Variants in PDK1 observed in about 807,000 individuals in gnomAD.
PDK1 encodes the protein pyruvate dehydrogenase kinase 1.
In PDK1, 39 loss-of-function variants were observed where a neutral mutation model predicts 54.2. That is an observed-to-expected ratio of 0.72 (90% CI 0.56 to 0.94). The LOEUF is 0.94. Among genes scored for constraint, PDK1 ranks in the 40% least tolerant of loss-of-function variants. The pLI, the probability that PDK1 is intolerant of heterozygous loss-of-function variation, is 0.00. For missense variants in PDK1, 552 were observed against 566.0 expected (o/e 0.98, Z 0.25); for synonymous variants, 221 against 207.1 (o/e 1.07, Z -0.58).
At chr2:172,557,817 A>G (rs992680855) in intron 1 of PDK1, among the ~76,000 whole-genome samples, 1 of 151,916 alleles carries the variant, frequency 6.6e-6, no homozygotes, top group South Asian at 2.1e-4. Context: ...TAGTGGTTCT[A>G]TATGGAATCA....
chr2:172,657,028 A>G, the PDK1 span, among the ~76,000 whole-genome samples: 1 of 152,092 alleles, frequency 6.6e-6, no homozygotes, highest in Non-Finnish European at 1.5e-5. Context: ...TCCTACTGGT[A>G]TTGCCTCCAG....
rs2149265524 is a variant in PDK1, at chr2:172,582,654, A to G, written c.946-3624A>G. ...GTACCATTCTTCTTGCCTTGAATAT[A>G]TACAGACTAAATATCTGTCTCTCCA... is the stretch of plus-strand genomic sequence containing the variant. On this transcript the variant is annotated intron_variant, in intron 8 of 10. Coordinates refer to ENST00000282077, the MANE Select transcript of PDK1 (RefSeq NM_002610.5). Among the ~76,000 whole-genome samples, 3 of 152,344 alleles carry G rather than the reference A, an allele frequency of 2.0e-5. 1 individual carries two copies. The Middle Eastern group carries it at 0.01, about 518-fold the overall frequency.
the PDK1 span, among the ~76,000 whole-genome samples, chr2:172,642,868 C>CCTCCTCCCA: frequency 6.6e-6 from 1 of 151,930 alleles, no homozygotes; most frequent in African/African-American, 2.4e-5. Flanking sequence ...TTCTCCTCCT[C>CCTCCTCCCA]CTCCTCCCAC....
the PDK1 span, among the ~76,000 whole-genome samples, chr2:172,716,887 C>T: frequency 6.6e-6 from 1 of 152,176 alleles, no homozygotes; most frequent in South Asian, 2.1e-4. Flanking sequence ...TTAATTGGAA[C>T]AAAACTTCAT....
chr2:172,582,939 G>C (rs1051390082), intron 8 of PDK1, among the ~76,000 whole-genome samples: 1 of 152,178 alleles, frequency 6.6e-6, no homozygotes, highest in African/African-American at 2.4e-5. Context: ...CATGCAGCCT[G>C]AGGCTGGAAA....
the PDK1 span, among the ~76,000 whole-genome samples, chr2:172,698,021 A>G: frequency 6.6e-6 from 1 of 152,188 alleles, no homozygotes; most frequent in South Asian, 2.1e-4. Context: ...CTGAAGTACA[A>G]TCCCACAATG....
At chr2:172,696,608 G>A in the PDK1 span, among the ~76,000 whole-genome samples, 1 of 152,090 alleles carries the variant, frequency 6.6e-6, no homozygotes, top group Non-Finnish European at 1.5e-5. Context: ...TAGGATCACT[G>A]ACATATTAGG....
chr2:172,660,549 G>C, the PDK1 span, among the ~76,000 whole-genome samples: 19,485 of 151,880 alleles, frequency 0.13, 1,546 homozygotes, highest in South Asian at 0.23. Context: ...GAGCCACAGT[G>C]CCTGGCCAAA....
At chr2:172,633,867 ATTTT>A in the PDK1 span, among the ~76,000 whole-genome samples, 3 of 68,834 alleles carry the variant, frequency 4.4e-5, no homozygotes, top group African/African-American at 1.2e-4. Context: ...TTAGTCTATG[ATTTT>A]TTTTTTTTTT....
At chr2:172,648,471 G>A in the PDK1 span, among the ~76,000 whole-genome samples, 1 of 152,160 alleles carries the variant, frequency 6.6e-6, no homozygotes, top group South Asian at 2.1e-4. Context: ...TCCAACTGAG[G>A]TACTGGGTTC....
the PDK1 span, among the ~76,000 whole-genome samples, chr2:172,649,643 A>G: frequency 6.6e-6 from 1 of 152,182 alleles, no homozygotes; most frequent in Non-Finnish European, 1.5e-5. Context: ...AAGTCCTTAA[A>G]TGACCTGATG....
chr2:172,658,760 G>T, the PDK1 span, among the ~76,000 whole-genome samples: 1 of 152,202 alleles, frequency 6.6e-6, no homozygotes, highest in African/African-American at 2.4e-5. Flanking sequence ...ATATGCCCTG[G>T]TCTCCTGCAG....
At chr2:172,644,431 C>A in the PDK1 span, among the ~76,000 whole-genome samples, 38 of 152,230 alleles carry the variant, frequency 2.5e-4, no homozygotes, top group East Asian at 7.4e-3. Flanking sequence ...GCCTTAGTTT[C>A]CTGTGTGTAA....
the PDK1 span, among the ~76,000 whole-genome samples, chr2:172,697,528 C>G: frequency 6.6e-6 from 1 of 152,112 alleles, no homozygotes; most frequent in Non-Finnish European, 1.5e-5. Flanking sequence ...TTAGAATACA[C>G]GTGCTGAGCA....
the PDK1 span, among the ~76,000 whole-genome samples, chr2:172,708,640 T>C: frequency 6.6e-6 from 1 of 152,208 alleles, no homozygotes; most frequent in East Asian, 1.9e-4. Context: ...CTGAAAGGCT[T>C]GGGATCAGAA....
At position 172,595,999 on chromosome 2, in the gene PDK1, G is replaced by T; in HGVS notation, c.*30G>T. On this transcript the variant is annotated 3_prime_UTR_variant, in exon 11 of 11. Coordinates refer to ENST00000282077, the MANE Select transcript of PDK1 (RefSeq NM_002610.5). ...ACTTGGGACATCGGAAAATCCAAAT[G>T]TGGCTTTTGTATTAAATTTGGAAGG... is the stretch of plus-strand genomic sequence containing the variant. 2 of 1,574,728 alleles carry T rather than the reference G, an allele frequency of 1.3e-6. No homozygotes were observed. The highest frequency in any genetic ancestry group is 1.7e-6 in the Non-Finnish European group (2 of 1,155,554).
rs577082539 is a variant in PDK1 at position 172,600,983 on chromosome 2, A to G, written c.*5014A>G. 1 of 152,160 alleles carries G rather than the reference A, an allele frequency of 6.6e-6. No individual in the cohort carries two copies. The highest frequency in any genetic ancestry group is 2.4e-5 in the African/African-American group (1 of 41,446). 9.4% of individuals were successfully genotyped at this position (152,160 alleles called of 1,614,324 possible). On this transcript the variant is annotated 3_prime_UTR_variant, in exon 11 of 11. Transcript: ENST00000282077. The stretch of plus-strand genomic sequence containing the variant: ...GAAAGGAATGTGCTTATTAAGGGCC[A>G]CTGTTTTACTGGGGTTAACTGCATG...
chr2:172,571,866 C>T (rs1392608135), intron 8 of PDK1, among the ~76,000 whole-genome samples: 1 of 103,868 alleles, frequency 9.6e-6, no homozygotes, highest in Non-Finnish European at 1.7e-5. Context: ...GAGTCTTGCT[C>T]TGTTGCCCCA....
At chr2:172,665,438 TTC>T in the PDK1 span, among the ~76,000 whole-genome samples, 1 of 152,168 alleles carries the variant, frequency 6.6e-6, no homozygotes, top group Admixed American at 6.5e-5. Flanking sequence ...GGACTTATTA[TTC>T]TCTTTCTATT....
Sources: gnomAD v4.1 joint callset for allele counts (sites outside exome capture counted in the v4.1 genomes callset) on GRCh38, gnomAD v4.1.1 for gene constraint, MANE v1.5 for transcripts, NCBI Gene and HGNC (gene_info 2026-07-23, HGNC 2026-07-21) for gene names.